DYM: variants seen among roughly 807,000 people sequenced by gnomAD.
The protein encoded by DYM is dymeclin.
Under a neutral mutation model 93.1 loss-of-function variants are expected in DYM, and 78 were observed. That is an observed-to-expected ratio of 0.84 (90% confidence interval 0.70 to 1.01). The LOEUF (loss-of-function observed/expected upper bound fraction) is 1.01, where lower values mean the gene tolerates loss of function less well. Ranked by LOEUF, DYM falls within the 50% of genes least tolerant of loss-of-function variation. DYM has a pLI of 0.00. For missense variants in DYM, 789 were observed against 845.0 expected (o/e 0.93, Z 0.82); for synonymous variants, 321 against 319.7 (o/e 1.00, Z -0.04).
At chr18:49,426,523 T>C (rs1401220843) in intron 2 of DYM, among the ~76,000 whole-genome samples, 1 of 151,662 alleles carries the variant, frequency 6.6e-6, no homozygotes, top group African/African-American at 2.4e-5. Flanking sequence ...TGTGCACGTG[T>C]ACCCTAGAAC....
intron 11 of DYM, among the ~76,000 whole-genome samples, chr18:49,270,437 A>G (rs1164371030): frequency 6.6e-6 from 1 of 152,204 alleles, no homozygotes; most frequent in East Asian, 1.9e-4. Context: ...GGTGGATGTG[A>G]GAAAATGAGG....
chr18:49,207,857 T>G (rs538083736), intron 14 of DYM, among the ~76,000 whole-genome samples: 2 of 152,042 alleles, frequency 1.3e-5, no homozygotes, highest in Admixed American at 6.6e-5. Context: ...TCCTATTGGT[T>G]TTGTGGAGAG....
At chr18:49,097,259 GA>G in intron 17 of DYM, 142 bp downstream of exon 17, 1 of 743,382 alleles carries the variant, frequency 1.3e-6, no homozygotes. Context: ...AAAGCTGTCA[GA>G]AACCTTTGTC....
At chr18:49,428,831 C>A (rs2074547195) in intron 2 of DYM, among the ~76,000 whole-genome samples, 2 of 152,134 alleles carry the variant, frequency 1.3e-5, no homozygotes, top group Non-Finnish European at 2.9e-5. Flanking sequence ...AATAAAAACA[C>A]TGAATAATAC....
rs357912 is a variant in DYM, at chr18:49,037,330, T to C, written c.*6725A>G. Among the ~76,000 whole-genome samples, 1 of 152,202 alleles carries C rather than the reference T, an allele frequency of 6.6e-6. No individual in the cohort carries two copies. Among genetic ancestry groups the C allele is most frequent in the Non-Finnish European group, 1.5e-5 (1 of 68,038 alleles). On this transcript the variant is annotated 3_prime_UTR_variant, in exon 18 of 18. Coordinates refer to ENST00000675505, the MANE Select transcript of DYM (RefSeq NM_001353214.3). ...ATTTTTGAGGTAATTGCTTAATTGA[T>C]TTTTAACCTTTCTTCTTTTCTAACA... is the stretch of plus-strand genomic sequence containing the variant.
intron 16 of DYM, among the ~76,000 whole-genome samples, chr18:49,101,112 T>C (rs1437082145): frequency 6.6e-6 from 1 of 152,196 alleles, no homozygotes; most frequent in Non-Finnish European, 1.5e-5. Context: ...AACAGATGTG[T>C]GGCTTTTATC....
intron 15 of DYM, among the ~76,000 whole-genome samples, chr18:49,157,304 A>G (rs2086577427): frequency 6.6e-6 from 1 of 152,136 alleles, no homozygotes; most frequent in Admixed American, 6.5e-5. Context: ...TAAAGAGCTC[A>G]GAGACAGTTC....
At chr18:49,400,323 C>T (rs539207635) in intron 2 of DYM, among the ~76,000 whole-genome samples, 2 of 152,220 alleles carry the variant, frequency 1.3e-5, no homozygotes, top group East Asian at 1.9e-4. Context: ...CTGGAAAGCT[C>T]CCCACTGTGG....
chr18:49,289,772 T>TATATATATATATAC (rs1555678772), intron 8 of DYM, among the ~76,000 whole-genome samples: 1 of 36,642 alleles, frequency 2.7e-5, no homozygotes, highest in East Asian at 6.5e-4. Flanking sequence ...TATATATATA[T>TATATATATATATAC]ACACATATAT....
intron 15 of DYM, among the ~76,000 whole-genome samples, chr18:49,137,210 A>G (rs767538262): frequency 4.6e-4 from 70 of 152,198 alleles, no homozygotes; most frequent in Non-Finnish European, 9.1e-4. Flanking sequence ...CTACTTCATC[A>G]TGGTGGTGCC....
intron 2 of DYM, among the ~76,000 whole-genome samples, chr18:49,426,333 G>C (rs1188322413): frequency 6.9e-6 from 1 of 145,958 alleles, no homozygotes; most frequent in Non-Finnish European, 1.5e-5. Context: ...ACTCATAGGT[G>C]GGAATTGAAC....
chr18:49,088,468 A>AGTTAATGG (rs2078754319), intron 17 of DYM, among the ~76,000 whole-genome samples: 1 of 151,752 alleles, frequency 6.6e-6, no homozygotes, highest in Admixed American at 6.6e-5. Context: ...GTAAATGACA[A>AGTTAATGG]GTTAATGGGT....
At chr18:49,087,134 A>G (rs28498515) in intron 17 of DYM, among the ~76,000 whole-genome samples, 1 of 152,088 alleles carries the variant, frequency 6.6e-6, no homozygotes, top group South Asian at 2.1e-4. Flanking sequence ...ATCTGCTGAC[A>G]TGTTGATCTT....
intron 6 of DYM, among the ~76,000 whole-genome samples, chr18:49,350,435 C>T (rs936935281): frequency 2.0e-5 from 3 of 152,140 alleles, no homozygotes; most frequent in Admixed American, 6.5e-5. Flanking sequence ...TGGCTGAGCG[C>T]AGTGGCTTAC....
At chr18:49,174,200 G>T (rs1249371104) in intron 14 of DYM, among the ~76,000 whole-genome samples, 5 of 146,066 alleles carry the variant, frequency 3.4e-5, no homozygotes. Context: ...TTCCTAGGAT[G>T]GGTCCCAATG....
intron 1 of DYM, among the ~76,000 whole-genome samples, chr18:49,434,072 G>A (rs774422266): frequency 5.9e-5 from 9 of 152,026 alleles, no homozygotes; most frequent in African/African-American, 1.4e-4. Flanking sequence ...TAGGCTGGGC[G>A]CGGTGGCTCA....
intron 1 of DYM, among the ~76,000 whole-genome samples, chr18:49,435,703 C>T (rs1423117590): frequency 2.0e-5 from 3 of 152,042 alleles, no homozygotes; most frequent in African/African-American, 7.2e-5. Flanking sequence ...GCAGGAAAAT[C>T]GCTTGAACCC....
chr18:49,182,889 G>A (rs185014320), intron 14 of DYM, among the ~76,000 whole-genome samples: 1 of 152,058 alleles, frequency 6.6e-6, no homozygotes, highest in Non-Finnish European at 1.5e-5. Flanking sequence ...TGTCTGTTTT[G>A]GTTGTTGTTT....
At chr18:49,096,225 G>A (rs557458644) in intron 17 of DYM, among the ~76,000 whole-genome samples, 1 of 152,124 alleles carries the variant, frequency 6.6e-6, no homozygotes, top group Non-Finnish European at 1.5e-5. Context: ...TGCCACTTTG[G>A]CTGATAAACA....
Sources: gnomAD v4.1 joint callset for allele counts (sites outside exome capture counted in the v4.1 genomes callset) on GRCh38, gnomAD v4.1.1 for gene constraint, MANE v1.5 for transcripts, NCBI Gene and HGNC (gene_info 2026-07-23, HGNC 2026-07-21) for gene names.